The following BCAT1 variants were observed in gnomAD, a reference collection of about 807,000 sequenced individuals.
The protein encoded by BCAT1 is branched-chain-amino-acid aminotransferase, cytosolic.
Under a neutral mutation model 52.4 loss-of-function variants are expected in BCAT1, and 48 were observed. The observed-to-expected ratio is 0.92, with a 90% CI of 0.73 to 1.16. BCAT1 has a LOEUF of 1.16. Among genes scored for constraint, BCAT1 ranks in the 50% most tolerant of loss-of-function variants. The probability of loss-of-function intolerance (pLI) is 0.00; values close to 1 mark genes in which losing one functional copy is unlikely to be tolerated. For synonymous variants in BCAT1, 167 were observed against 161.3 expected, an observed-to-expected ratio of 1.04 and a Z score of -0.27; for missense variants, 451 against 457.1, an observed-to-expected ratio of 0.99 and a Z score of 0.12.
intron 8 of BCAT1, chr12:24,834,270 C>T (rs1940827051): frequency 4.1e-6 from 4 of 985,066 alleles, no homozygotes; most frequent in East Asian, 1.1e-4. Flanking sequence ...TAACAGTTGA[C>T]TTTACAGTGA....
intron 5 of BCAT1, among the ~76,000 whole-genome samples, chr12:24,857,547 A>G (rs1941726201): frequency 6.6e-6 from 1 of 152,178 alleles, no homozygotes; most frequent in African/African-American, 2.4e-5. Flanking sequence ...TTTTCTTCTC[A>G]GTCAACTGAA....
intron 1 of BCAT1, among the ~76,000 whole-genome samples, chr12:24,934,440 C>G (rs55887037): frequency 6.6e-6 from 1 of 152,106 alleles, no homozygotes; most frequent in East Asian, 1.9e-4. Context: ...AGCCTCAAGA[C>G]CTTGAGCAGT....
chr12:24,836,906 GAGAGAAAGAAAGAAAGAAAGAA>G (rs1194124193), intron 7 of BCAT1, among the ~76,000 whole-genome samples: 1,906 of 76,256 alleles, frequency 0.025, 213 homozygotes, highest in African/African-American at 0.083. Flanking sequence ...AGAAAAGAAA[GAGAGAAAGAAAGAAAGAAAGAA>G]AGAAAGAAAG....
chr12:24,841,604 T>C (rs1941174851), intron 7 of BCAT1, among the ~76,000 whole-genome samples: 1 of 152,124 alleles, frequency 6.6e-6, no homozygotes, highest in Non-Finnish European at 1.5e-5. Flanking sequence ...CTCTAGAGCT[T>C]CTTTAAATCG....
chr12:24,930,896 C>CTTT (rs5797108), intron 1 of BCAT1, among the ~76,000 whole-genome samples: 11 of 96,080 alleles, frequency 1.1e-4, no homozygotes, highest in African/African-American at 2.5e-4. Flanking sequence ...GAACAGGGCC[C>CTTT]TTTTTTTTTT....
At chr12:24,947,158 G>T (rs1011168758) in intron 1 of BCAT1, among the ~76,000 whole-genome samples, 1 of 129,344 alleles carries the variant, frequency 7.7e-6, no homozygotes, top group African/African-American at 3.0e-5. Flanking sequence ...TAGGCCTCCC[G>T]TCTTCCCTCC....
intron 1 of BCAT1, among the ~76,000 whole-genome samples, chr12:24,931,690 A>G (rs1487228304): frequency 6.6e-6 from 1 of 152,250 alleles, no homozygotes; most frequent in Non-Finnish European, 1.5e-5. Flanking sequence ...AAAATCAAGT[A>G]TTAACCTAGA....
At chr12:24,928,888 C>T (rs1943636719) in intron 1 of BCAT1, among the ~76,000 whole-genome samples, 1 of 147,000 alleles carries the variant, frequency 6.8e-6, no homozygotes, top group Admixed American at 6.9e-5. Context: ...GGCACGTGCA[C>T]CATGCCCGGC....
At chr12:24,933,165 C>T (rs995350950) in intron 1 of BCAT1, among the ~76,000 whole-genome samples, 11 of 108,124 alleles carry the variant, frequency 1.0e-4, no homozygotes, top group South Asian at 3.3e-4. Context: ...GATGAGGTTT[C>T]GCTATGTTGG....
At chr12:24,879,775 G>C (rs925256179) in intron 4 of BCAT1, among the ~76,000 whole-genome samples, 2 of 152,092 alleles carry the variant, frequency 1.3e-5, no homozygotes, top group African/African-American at 2.4e-5. Context: ...AATCTCTCTG[G>C]ACTCAAGTTT....
chr12:24,818,450 TTCTCAGAC>T (rs1285082448), intron 10 of BCAT1, among the ~76,000 whole-genome samples: 4 of 152,184 alleles, frequency 2.6e-5, no homozygotes, highest in Non-Finnish European at 5.9e-5. Flanking sequence ...TCAAAGTGTA[TTCTCAGAC>T]CACTAGCATC....
intron 5 of BCAT1, among the ~76,000 whole-genome samples, chr12:24,873,763 G>C (rs1294879712): frequency 6.6e-6 from 1 of 152,096 alleles, no homozygotes; most frequent in East Asian, 1.9e-4. Context: ...TGCTCAAAAA[G>C]TTTCAGATTT....
At chr12:24,893,572 GT>G (rs1391025055) in intron 3 of BCAT1, among the ~76,000 whole-genome samples, 1 of 152,116 alleles carries the variant, frequency 6.6e-6, no homozygotes, top group Non-Finnish European at 1.5e-5. Flanking sequence ...GTAAACAAAA[GT>G]TGTTATTTTA....
intron 3 of BCAT1, among the ~76,000 whole-genome samples, chr12:24,889,707 C>G (rs1942781786): frequency 2.0e-5 from 3 of 152,194 alleles, no homozygotes; most frequent in African/African-American, 7.2e-5. Context: ...AGATCCTCTC[C>G]AAAGGGGCTG....
chr12:24,887,080 A>ATATATATATATAT (rs1555111554), intron 3 of BCAT1, among the ~76,000 whole-genome samples: 4 of 40,748 alleles, frequency 9.8e-5, no homozygotes, highest in Non-Finnish European at 1.0e-4. Context: ...AAAAAAAAAA[A>ATATATATATATAT]ATATATATAT....
chr12:24,843,354 A>G (rs1342661511), intron 6 of BCAT1, among the ~76,000 whole-genome samples: 1 of 152,142 alleles, frequency 6.6e-6, no homozygotes, highest in African/African-American at 2.4e-5. Flanking sequence ...CTGTAATCCT[A>G]GCACTTTAGG....
intron 2 of BCAT1, among the ~76,000 whole-genome samples, chr12:24,896,822 T>C (rs1942970977): frequency 6.6e-6 from 1 of 152,184 alleles, no homozygotes; most frequent in Non-Finnish European, 1.5e-5. Context: ...AGACAAGAAG[T>C]CTGGCTAGAG....
chr12:24,879,145 A>G (rs548181844), intron 4 of BCAT1, among the ~76,000 whole-genome samples: 1 of 152,314 alleles, frequency 6.6e-6, no homozygotes, highest in East Asian at 1.9e-4. Context: ...ATTCTTAAGT[A>G]GGAGATGTAA....
chr12:24,893,304 ATTACT>A (rs1299301523), intron 3 of BCAT1, among the ~76,000 whole-genome samples: 1 of 152,200 alleles, frequency 6.6e-6, no homozygotes, highest in Non-Finnish European at 1.5e-5. Context: ...GCTTAGATAA[ATTACT>A]TTATTTTATA....
Sources: allele counts gnomAD v4.1 joint callset (sites outside exome capture counted in the v4.1 genomes callset), GRCh38; gene constraint gnomAD v4.1.1; transcripts MANE v1.5; gene names NCBI Gene and HGNC (gene_info 2026-07-23, HGNC 2026-07-21).